FGF7: variants seen among roughly 807,000 people sequenced by gnomAD.
The protein encoded by FGF7 is FGF-7.
A neutral mutation model predicts 20.5 loss-of-function variants in FGF7; 6 were observed. The ratio of observed to expected loss-of-function variants is 0.29; its 90% CI spans 0.16 to 0.58. The LOEUF (loss-of-function observed/expected upper bound fraction) is 0.58. Among genes scored for constraint, FGF7 ranks in the 20% least tolerant of loss-of-function variants. The pLI is 0.90. For synonymous variants in FGF7, 64 were observed against 74.7 expected (o/e 0.86, Z 0.74); for missense variants, 144 against 228.8 (o/e 0.63, Z 2.39).
At chr15:49,463,581 T>A (rs1044862552) in intron 2 of FGF7, among the ~76,000 whole-genome samples, 61 of 149,710 alleles carry the variant, frequency 4.1e-4, no homozygotes, top group Non-Finnish European at 8.6e-4. Context: ...CAAACTCAAC[T>A]AGCTGCATAA....
At chr15:49,456,205 T>C (rs2053270373) in intron 2 of FGF7, among the ~76,000 whole-genome samples, 1 of 152,164 alleles carries the variant, frequency 6.6e-6, no homozygotes, top group Non-Finnish European at 1.5e-5. Flanking sequence ...CTTTAGAATT[T>C]CATTTTTTAC....
chr15:49,430,013 T>C (rs1193793482), intron 2 of FGF7, among the ~76,000 whole-genome samples: 2 of 151,888 alleles, frequency 1.3e-5, no homozygotes, highest in Non-Finnish European at 2.9e-5. Flanking sequence ...GATTCAAAGT[T>C]AACTTGAACC....
intron 3 of FGF7, among the ~76,000 whole-genome samples, chr15:49,483,545 C>T (rs1208074448): frequency 6.6e-6 from 1 of 151,922 alleles, no homozygotes; most frequent in Non-Finnish European, 1.5e-5. Flanking sequence ...TATTTAAAAT[C>T]CAAAATTTCC....
At chr15:49,481,753 G>T (rs1204936489) in intron 2 of FGF7, among the ~76,000 whole-genome samples, 3 of 152,094 alleles carry the variant, frequency 2.0e-5, no homozygotes, top group African/African-American at 4.8e-5. Flanking sequence ...ATATATAAAA[G>T]ATTAATATCC....
rs866983667 is a variant in FGF7, at chr15:49,451,227, C to T, written c.286+26644C>T. Among the ~76,000 whole-genome samples the T allele has an allele frequency of 3.9e-5, 6 of 152,032 alleles. No individual in the cohort carries two copies. The South Asian group carries it at 1.0e-3, about 26-fold the overall frequency. On this transcript the variant is annotated intron_variant, in intron 2 of 3. Coordinates refer to ENST00000267843, the MANE Select transcript of FGF7 (RefSeq NM_002009.4). ...CATTTAAAATTTTAACCAATTAGAGCTTGCCAATTTCTACAGAAAGTGTGA... is the reference window on the plus strand; with the variant it reads ...CATTTAAAATTTTAACCAATTAGAGTTTGCCAATTTCTACAGAAAGTGTGA...
intron 2 of FGF7, among the ~76,000 whole-genome samples, chr15:49,451,798 A>C (rs1435958264): frequency 6.6e-6 from 1 of 152,198 alleles, no homozygotes; most frequent in East Asian, 1.9e-4. Context: ...AGTAATACTT[A>C]TATAGCAATC....
intron 2 of FGF7, among the ~76,000 whole-genome samples, chr15:49,464,568 T>C (rs752936740): frequency 1.3e-5 from 2 of 152,200 alleles, no homozygotes; most frequent in African/African-American, 4.8e-5. Context: ...TGACTTTTAA[T>C]GTATTGAATT....
Position 49,480,759 on chromosome 15 carries a change from A to G in FGF7, c.287-2392A>G, listed in dbSNP as rs551995845. Among the ~76,000 whole-genome samples the G allele has an allele frequency of 5.3e-5, 8 of 152,300 alleles. No homozygotes were observed. In the East Asian group the frequency reaches 1.5e-3, roughly 29 times the overall value. On this transcript the variant is annotated intron_variant, in intron 2 of 3. Coordinates refer to ENST00000267843, the MANE Select transcript of FGF7 (RefSeq NM_002009.4). The stretch of plus-strand genomic sequence containing the variant: ...CGGCCTCCCAAAGTGCTGGGATTAC[A>G]GGTGTGAGCTACCACATCCAGCCAT...
At chr15:49,439,224 T>C (rs2051393408) in intron 2 of FGF7, among the ~76,000 whole-genome samples, 1 of 151,184 alleles carries the variant, frequency 6.6e-6, no homozygotes. Context: ...GCTTCCTGAG[T>C]GTCCTTATAA....
rs371379046 is a variant in FGF7 at position 49,426,931 on chromosome 15, C to T, written c.286+2348C>T. Reference sequence around the variant, plus strand: ...TCCTTTAAGTAAACCCTAAAACTGTCGTAAGGTTATGTGGCTATCTTATTG... The same window carrying T: ...TCCTTTAAGTAAACCCTAAAACTGTTGTAAGGTTATGTGGCTATCTTATTG... On this transcript the variant is annotated intron_variant, in intron 2 of 3. Transcript: ENST00000267843. Among the ~76,000 whole-genome samples, 6 of 151,978 alleles carry T rather than the reference C, an allele frequency of 3.9e-5. No homozygotes were observed. The South Asian group carries it at 8.3e-4, about 21-fold the overall frequency.
chr15:49,484,133 T>C (rs2056194383), intron 3 of FGF7, among the ~76,000 whole-genome samples, 177 bp from the exon 4 acceptor site: 1 of 152,088 alleles, frequency 6.6e-6, no homozygotes, highest in South Asian at 2.1e-4. Flanking sequence ...GATACCTTTT[T>C]ATGCAAATAT....
rs1468689110 is a variant in FGF7, at chr15:49,476,219, TTTTTTGTTTTTGG to T, written c.287-6926_287-6914del. Among the ~76,000 whole-genome samples the T allele has an allele frequency of 8.3e-5, 10 of 120,958 alleles. 1 individual carries two copies. The highest frequency in any genetic ancestry group is 1.8e-4 in the Non-Finnish European group (10 of 56,804). The allele number at this position is 120,958 out of a possible 152,430, so 79.4% of individuals were successfully genotyped here. A position where few individuals can be genotyped will look rare whatever the true frequency, so the allele number is the denominator to read the frequency against. ...ATTCCTATTTATTTTGCTGTTTTGTTTTTTTGTTTTTGGTTTTTTTTTTTTTGCATTTGGCATA... is the reference window on the plus strand; with the variant it reads ...ATTCCTATTTATTTTGCTGTTTTGTTTTTTTTTTTTTTTGCATTTGGCATA... On this transcript the variant is annotated intron_variant, in intron 2 of 3. Coordinates refer to ENST00000267843, the MANE Select transcript of FGF7 (RefSeq NM_002009.4).
chr15:49,468,527 A>G (rs542355733), intron 2 of FGF7, among the ~76,000 whole-genome samples: 30 of 152,270 alleles, frequency 2.0e-4, no homozygotes, highest in African/African-American at 7.0e-4. Context: ...CAACGACAAG[A>G]TTAGTATTAT....
intron 2 of FGF7, among the ~76,000 whole-genome samples, chr15:49,446,051 T>C (rs1003876621): frequency 4.0e-5 from 6 of 151,702 alleles, no homozygotes; most frequent in East Asian, 1.9e-4. Flanking sequence ...ATTAAAACTA[T>C]GGTGTATTTC....
At chr15:49,463,631 T>C (rs2054003501) in intron 2 of FGF7, among the ~76,000 whole-genome samples, 1 of 152,176 alleles carries the variant, frequency 6.6e-6, no homozygotes, top group African/African-American at 2.4e-5. Flanking sequence ...TCTTATTTCT[T>C]TTCCTGGAAG....
In FGF7 at chr15:49,424,483, G is replaced by T. The variant is rs747759102; in HGVS notation, c.186G>T (p.Gly62=). The change falls in exon 2 of 4, where the codon GGG becomes GGT. Residue 62 remains glycine (G), a synonymous_variant. Coordinates refer to ENST00000267843, the MANE Select transcript of FGF7 (RefSeq NM_002009.4). The part of the protein sequence containing the change: ...HTRSYDYMEG[G]DIRVRRLFCR... ...GAAGTTATGATTACATGGAAGGAGG[G>T]GATATAAGAGTGAGAAGACTCTTCT... is the stretch of plus-strand genomic sequence containing the variant. 1.2e-6 allele frequency: 2 copies of T among 1,613,458 alleles called. No individual in the cohort carries two copies. The highest frequency in any genetic ancestry group is 1.6e-4 in the Middle Eastern group (1 of 6,062).
intron 2 of FGF7, among the ~76,000 whole-genome samples, chr15:49,473,904 A>G (rs1309257747): frequency 6.6e-6 from 1 of 152,180 alleles, no homozygotes; most frequent in East Asian, 1.9e-4. Context: ...TTTTAAAAAC[A>G]TAATTAATGT....
intron 2 of FGF7, among the ~76,000 whole-genome samples, chr15:49,441,239 C>T (rs193248377): frequency 7.0e-4 from 106 of 151,646 alleles, no homozygotes; most frequent in African/African-American, 2.6e-3. Flanking sequence ...GCCTGGGTGC[C>T]CACAACTTAG....
In FGF7 at chr15:49,462,692, C is replaced by A. The variant is rs562452702; in HGVS notation, c.287-20459C>A. 1.3e-4 allele frequency among the ~76,000 whole-genome samples: 20 copies of A among 152,280 alleles called. No homozygotes were observed. In the South Asian group the frequency reaches 3.5e-3, roughly 27 times the overall value. ...GATTCTATGACTGCTCTTCCTTCCT[C>A]TTTCTCTCATTCAATTTATTTTACT... On this transcript the variant is annotated intron_variant, in intron 2 of 3. Transcript: ENST00000267843.
Sources: gnomAD v4.1 joint callset for allele counts (sites outside exome capture counted in the v4.1 genomes callset) on GRCh38, gnomAD v4.1.1 for gene constraint, MANE v1.5 for transcripts, NCBI Gene and HGNC (gene_info 2026-07-23, HGNC 2026-07-21) for gene names.